Variants in SND1 observed in about 807,000 individuals in gnomAD.
SND1 encodes the protein staphylococcal nuclease domain-containing protein 1.
SND1 carries 38 observed loss-of-function variants against 121.7 expected under a neutral mutation model. That is an observed-to-expected ratio of 0.31 (90% CI 0.24 to 0.41). The LOEUF (loss-of-function observed/expected upper bound fraction) is 0.41. Ranked by LOEUF, SND1 falls within the 10% of genes least tolerant of loss-of-function variation. The pLI is 1.00. For synonymous variants in SND1, 401 were observed against 447.4 expected (o/e 0.90, Z 1.31); for missense variants, 868 against 1,184.6 (o/e 0.73, Z 3.92).
intron 10 of SND1, among the ~76,000 whole-genome samples, chr7:127,738,067 T>G (rs1166444557): frequency 1.3e-5 from 2 of 152,216 alleles, no homozygotes; most frequent in Non-Finnish European, 2.9e-5. Context: ...GGTTAGCATG[T>G]ATATGGCATT....
At chr7:127,925,627 G>A (rs1054327223) in intron 14 of SND1, among the ~76,000 whole-genome samples, 60 of 142,912 alleles carry the variant, frequency 4.2e-4, no homozygotes, top group African/African-American at 1.5e-3. Context: ...TTTTTGAAAT[G>A]GAGTTTCACT....
chr7:127,957,662 A>G (rs1001664559), intron 15 of SND1, among the ~76,000 whole-genome samples: 2 of 152,148 alleles, frequency 1.3e-5, no homozygotes, highest in Non-Finnish European at 1.5e-5. Flanking sequence ...ATTGTGTGAT[A>G]ATAATGATGG....
chr7:127,858,230 A>G (rs371633400), intron 12 of SND1: 13 of 777,578 alleles, frequency 1.7e-5, no homozygotes, highest in East Asian at 1.3e-4. Flanking sequence ...GTACATGCCA[A>G]GGTTTCCCTG....
intron 15 of SND1, among the ~76,000 whole-genome samples, chr7:127,980,882 T>G (rs949037178): frequency 6.6e-6 from 1 of 152,082 alleles, no homozygotes; most frequent in Non-Finnish European, 1.5e-5. Context: ...ACCTGGACAG[T>G]AGATTCAAAT....
At chr7:127,807,452 A>G in intron 10 of SND1, 32 bp from the exon 11 acceptor site, 1 of 1,547,376 alleles carries the variant, frequency 6.5e-7, no homozygotes, top group Non-Finnish European at 8.9e-7. Flanking sequence ...GATATTGTTC[A>G]TTCCTGATGT....
intron 3 of SND1, among the ~76,000 whole-genome samples, chr7:127,695,176 G>C (rs1795985738): frequency 6.6e-6 from 1 of 152,130 alleles, no homozygotes; most frequent in Non-Finnish European, 1.5e-5. Context: ...CTTTGGTTTA[G>C]GTGCATGTAG....
At chr7:127,656,757 G>A (rs1349496582) in intron 1 of SND1, among the ~76,000 whole-genome samples, 1 of 152,166 alleles carries the variant, frequency 6.6e-6, no homozygotes, top group Non-Finnish European at 1.5e-5. Context: ...TGAAGTATTG[G>A]GGGTGGGTTC....
chr7:128,028,953 G>C, intron 16 of SND1: 1 of 1,608,426 alleles, frequency 6.2e-7, no homozygotes, highest in South Asian at 1.1e-5. Flanking sequence ...AACAGTCCGG[G>C]CGGCTGTGAC....
intron 12 of SND1, among the ~76,000 whole-genome samples, chr7:127,871,664 A>G (rs1563042551): frequency 6.6e-6 from 1 of 152,188 alleles, no homozygotes; most frequent in African/African-American, 2.4e-5. Context: ...TCCTGCTGCC[A>G]TAGCGCTCCA....
chr7:128,079,799 C>T (rs1793566621), intron 17 of SND1, among the ~76,000 whole-genome samples: 1 of 152,196 alleles, frequency 6.6e-6, no homozygotes, highest in African/African-American at 2.4e-5. Flanking sequence ...AAAAGTTTGA[C>T]CAATGTCAAA....
At chr7:127,868,535 T>A (rs1269434838) in intron 12 of SND1, among the ~76,000 whole-genome samples, 2 of 152,218 alleles carry the variant, frequency 1.3e-5, no homozygotes, top group African/African-American at 4.8e-5. Flanking sequence ...TATGTCTTTA[T>A]TTCTAGGCTT....
intron 14 of SND1, among the ~76,000 whole-genome samples, chr7:127,910,008 AT>A (rs1267027126): frequency 6.6e-6 from 1 of 152,144 alleles, no homozygotes. Context: ...TCTGGTTTTC[AT>A]TGCCCTCTTA....
chr7:127,910,186 T>G (rs1405152945), intron 14 of SND1, among the ~76,000 whole-genome samples: 2 of 152,194 alleles, frequency 1.3e-5, no homozygotes, highest in African/African-American at 4.8e-5. Context: ...ACGCCTGTAA[T>G]CCCAGCACTT....
intron 12 of SND1, among the ~76,000 whole-genome samples, chr7:127,878,525 T>C (rs1229062311): frequency 6.6e-6 from 1 of 152,168 alleles, no homozygotes; most frequent in Non-Finnish European, 1.5e-5. Context: ...GCTGCAGCTC[T>C]TGACAACCCT....
At chr7:127,988,227 T>C (rs989171854) in intron 15 of SND1, among the ~76,000 whole-genome samples, 1 of 152,210 alleles carries the variant, frequency 6.6e-6, no homozygotes, top group African/African-American at 2.4e-5. Flanking sequence ...CATTCAGATA[T>C]CATAAAGCCT....
At chr7:127,730,078 C>G (rs969309461) in intron 10 of SND1, among the ~76,000 whole-genome samples, 1 of 152,190 alleles carries the variant, frequency 6.6e-6, no homozygotes, top group African/African-American at 2.4e-5. Flanking sequence ...AAGCGATTCT[C>G]CTGTCTCAGC....
chr7:127,865,814 C>T (rs374227862), intron 12 of SND1, among the ~76,000 whole-genome samples: 3 of 150,866 alleles, frequency 2.0e-5, no homozygotes, highest in African/African-American at 7.3e-5. Context: ...CAGGGTCTTG[C>T]TATGTTGCCC....
rs557692704 is a variant in SND1 at position 127,832,775 on chromosome 7, C to G, written c.1243-11549C>G. 1.2e-3 allele frequency among the ~76,000 whole-genome samples: 177 copies of G among 152,336 alleles called. 1 individual carries two copies. Among genetic ancestry groups the G allele is most frequent in the African/African-American group, 4.2e-3 (174 of 41,580 alleles). ...TACTGGTCCCTGGCCTGTTAGGAAG[C>G]AGGCTGCACAGCAGGACATGAGCAG... is the stretch of plus-strand genomic sequence containing the variant. On this transcript the variant is annotated intron_variant, in intron 11 of 23. Coordinates refer to ENST00000354725, the MANE Select transcript of SND1 (RefSeq NM_014390.4).
rs1009724314 is a variant in SND1 at position 128,085,096 on chromosome 7, G to T, written c.2234+249G>T. 2.0e-5 allele frequency among the ~76,000 whole-genome samples: 3 copies of T among 152,166 alleles called. No homozygotes were observed. The highest frequency in any genetic ancestry group is 7.2e-5 in the African/African-American group (3 of 41,440). On this transcript the variant is annotated intron_variant, in intron 19 of 23. Transcript: ENST00000354725. The surrounding 1 kb of genome is among the most constrained non-coding windows in gnomAD (Gnocchi z 4.4). Reference sequence around the variant, plus strand: ...TCTCCTGGGGGATTCCAGGGTGGGAGCCCTTGCTGGCTGGCTGGCTGGCCG... The same window carrying T: ...TCTCCTGGGGGATTCCAGGGTGGGATCCCTTGCTGGCTGGCTGGCTGGCCG...
Sources: gnomAD v4.1 joint callset for allele counts (sites outside exome capture counted in the v4.1 genomes callset) on GRCh38, gnomAD v4.1.1 for gene constraint, Gnocchi (gnomAD v3.1) non-coding constraint, MANE v1.5 for transcripts, NCBI Gene and HGNC (gene_info 2026-07-23, HGNC 2026-07-21) for gene names.